Variants in PRKCQ observed in about 807,000 individuals in gnomAD.
The protein encoded by PRKCQ is protein kinase C theta.
A neutral mutation model predicts 91.2 loss-of-function variants in PRKCQ; 41 were observed. The observed-to-expected ratio is 0.45, with a 90% CI of 0.35 to 0.58. The LOEUF is 0.58. Ranked by LOEUF, PRKCQ falls within the 20% of genes least tolerant of loss-of-function variation. The pLI is 0.00. For missense variants in PRKCQ, 673 were observed against 896.5 expected (o/e 0.75, Z 3.18); for synonymous variants, 307 against 316.9 (o/e 0.97, Z 0.33).
intron 3 of PRKCQ, among the ~76,000 whole-genome samples, chr10:6,508,708 C>T (rs1273418113): frequency 6.6e-6 from 1 of 152,168 alleles, no homozygotes; most frequent in Non-Finnish European, 1.5e-5. Context: ...AAGGGGCCTG[C>T]TTCCAAATGG....
intron 1 of PRKCQ, among the ~76,000 whole-genome samples, chr10:6,564,931 C>T (rs1840784339): frequency 2.6e-5 from 4 of 152,178 alleles, no homozygotes; most frequent in African/African-American, 9.7e-5. Context: ...CATTTCAAGC[C>T]TTTGTCACAC....
rs757142635 is a variant in PRKCQ at position 6,497,213 on chromosome 10, T to TA, written c.574+6dup. The TA allele has an allele frequency of 1.2e-6, 2 of 1,614,070 alleles. No homozygotes were observed. Reference sequence around the variant, plus strand: ...GATGGTAATGCAACCAAAACCCTCTTACTTACGTCGGCACTGGTAGCCCTG... The same window carrying TA: ...GATGGTAATGCAACCAAAACCCTCTTAACTTACGTCGGCACTGGTAGCCCTG... On this transcript the variant is annotated splice_region_variant and intron_variant, in intron 6 of 17. Transcript: ENST00000263125. The surrounding 1 kb of genome is among the most constrained non-coding windows in gnomAD (Gnocchi z 4.5).
chr10:6,482,986 C>T (rs970475711), intron 11 of PRKCQ, among the ~76,000 whole-genome samples: 2 of 152,032 alleles, frequency 1.3e-5, no homozygotes, highest in South Asian at 4.2e-4. Flanking sequence ...GACACAGAGC[C>T]GAGCCCTATC....
At chr10:6,579,435 C>T (rs1841366662) in intron 1 of PRKCQ, among the ~76,000 whole-genome samples, 1 of 152,116 alleles carries the variant, frequency 6.6e-6, no homozygotes, top group Admixed American at 6.5e-5. Flanking sequence ...ACCGGAGTCT[C>T]CCAATCCAGC....
At chr10:6,397,892 T>C in the PRKCQ span, among the ~76,000 whole-genome samples, 1 of 152,184 alleles carries the variant, frequency 6.6e-6, no homozygotes, top group East Asian at 1.9e-4. Flanking sequence ...GCCATTGCAC[T>C]CCAGCCTAGG....
intron 16 of PRKCQ, among the ~76,000 whole-genome samples, chr10:6,440,716 T>C (rs1369432961): frequency 6.6e-6 from 1 of 152,136 alleles, no homozygotes; most frequent in Non-Finnish European, 1.5e-5. Context: ...AGGCTGGGCA[T>C]GGTGGCTCAC....
rs1838450177 is a variant in PRKCQ, at chr10:6,511,084, T to G, written c.229A>C (p.Lys77Gln). The G allele has an allele frequency of 6.2e-7, 1 of 1,614,108 alleles. No homozygotes were observed. The highest frequency in any genetic ancestry group is 1.1e-5 in the South Asian group (1 of 91,092). The change falls in exon 3 of 18, where the codon AAA becomes CAA. Residue 77 changes from lysine to glutamine, a missense_variant. Physicochemically the swap from Lys to Gln is moderately conservative, Grantham distance 53. Coordinates refer to ENST00000263125, the MANE Select transcript of PRKCQ (RefSeq NM_006257.5). ...GTTTCAGAGATGAGGTCCACGTTTT[T>G]GCCTTTCACAATGATCTGCATGACT... Reference protein sequence around the residue: ...GRVMQIIVKGKNVDLISETTV... With the variant: ...GRVMQIIVKGQNVDLISETTV...
chr10:6,553,505 A>ATT (rs1398088101), intron 1 of PRKCQ, among the ~76,000 whole-genome samples: 4 of 134,306 alleles, frequency 3.0e-5, no homozygotes. Flanking sequence ...AAAAAAAAAA[A>ATT]AAAAAAAAAA....
At chr10:6,572,915 A>C (rs1443360334) in intron 1 of PRKCQ, among the ~76,000 whole-genome samples, 1 of 151,894 alleles carries the variant, frequency 6.6e-6, no homozygotes, top group African/African-American at 2.4e-5. Context: ...TTGATTTTTT[A>C]ATAATCACCA....
At chr10:6,530,951 G>A (rs1230560674) in intron 1 of PRKCQ, among the ~76,000 whole-genome samples, 2 of 152,178 alleles carry the variant, frequency 1.3e-5, no homozygotes, top group African/African-American at 4.8e-5. Context: ...TGTAGGCTGA[G>A]TATCCACTGG....
chr10:6,559,762 G>C (rs1203626112), intron 1 of PRKCQ, among the ~76,000 whole-genome samples: 1 of 152,100 alleles, frequency 6.6e-6, no homozygotes, highest in East Asian at 1.9e-4. Context: ...TCTAAAAACA[G>C]GCCAGGTTCT....
chr10:6,456,536 G>A lies in PRKCQ; in HGVS notation c.1647+138C>T, dbSNP rs556741114. ...AATAGAAACCCACATGCATGGTGGC[G>A]TTTATGAGATACTTAAGAAAACAGG... is the stretch of plus-strand genomic sequence containing the variant. On this transcript the variant is annotated intron_variant, in intron 15 of 17. Coordinates refer to ENST00000263125, the MANE Select transcript of PRKCQ (RefSeq NM_006257.5). 5.5e-5 allele frequency: 62 copies of A among 1,133,986 alleles called. No homozygotes were observed. In the African/African-American group the frequency reaches 5.7e-4, roughly 10 times the overall value. The allele number at this position is 1,133,986 out of a possible 1,614,324, so 70.2% of individuals were successfully genotyped here. A position where few individuals can be genotyped will look rare whatever the true frequency, so the allele number is the denominator to read the frequency against.
At chr10:6,445,608 T>A (rs1834238437) in intron 15 of PRKCQ, among the ~76,000 whole-genome samples, 1 of 152,222 alleles carries the variant, frequency 6.6e-6, no homozygotes, top group Admixed American at 6.5e-5. Context: ...ATGATGCACT[T>A]GTCCCCGTTT....
At chr10:6,538,755 A>G (rs981013022) in intron 1 of PRKCQ, among the ~76,000 whole-genome samples, 1 of 152,084 alleles carries the variant, frequency 6.6e-6, no homozygotes, top group African/African-American at 2.4e-5. Context: ...ACCTATTTCC[A>G]TACTCTCTAG....
the PRKCQ span, among the ~76,000 whole-genome samples, chr10:6,415,437 TATATATATATATATATATAC>T: frequency 4.8e-5 from 3 of 61,968 alleles, no homozygotes; most frequent in South Asian, 1.7e-3. Flanking sequence ...TATATATATA[TATATATATATATATATATAC>T]ACTTACTCAA....
Position 6,497,269 on chromosome 10 carries a change from CTGAT to C in PRKCQ, c.543-22_543-19del. Reference sequence around the variant, plus strand: ...TCAGGCCCCTGTAATAAAGCACACGCTGATTTATTTCAATGTTGGCATCAACATC... The same window carrying C: ...TCAGGCCCCTGTAATAAAGCACACGCTTATTTCAATGTTGGCATCAACATC... On this transcript the variant is annotated intron_variant, in intron 5 of 17. Coordinates refer to ENST00000263125, the MANE Select transcript of PRKCQ (RefSeq NM_006257.5). The surrounding 1 kb of genome is among the most constrained non-coding windows in gnomAD (Gnocchi z 4.5). 6.2e-7 allele frequency: 1 copy of C among 1,614,058 alleles called. No individual in the cohort carries two copies. The highest frequency in any genetic ancestry group is 8.5e-7 in the Non-Finnish European group (1 of 1,179,976).
intron 1 of PRKCQ, among the ~76,000 whole-genome samples, chr10:6,549,183 T>A (rs1344567390): frequency 1.3e-5 from 2 of 152,170 alleles, no homozygotes; most frequent in Non-Finnish European, 1.5e-5. Context: ...AAAATAAGTG[T>A]CCTGGGTCCT....
chr10:6,515,597 G>C (rs767209819), intron 1 of PRKCQ: 1 of 814,670 alleles, frequency 1.2e-6, no homozygotes, highest in South Asian at 5.7e-5. Flanking sequence ...TTCTTACATG[G>C]TCTATTTATG....
chr10:6,441,687 T>C (rs1241429398), intron 16 of PRKCQ, among the ~76,000 whole-genome samples: 4 of 152,316 alleles, frequency 2.6e-5, no homozygotes, highest in Admixed American at 6.5e-5. Flanking sequence ...CTGATGCACA[T>C]GAGGGTTTCT....
Sources: allele counts gnomAD v4.1 joint callset (sites outside exome capture counted in the v4.1 genomes callset), GRCh38; gene constraint gnomAD v4.1.1; non-coding constraint Gnocchi (gnomAD v3.1); transcripts MANE v1.5; gene names NCBI Gene and HGNC (gene_info 2026-07-23, HGNC 2026-07-21).